STX19: variants seen among roughly 807,000 people sequenced by gnomAD.
The protein encoded by STX19 is syntaxin 19, also known as syntaxin-19.
Under a neutral mutation model 24.3 loss-of-function variants are expected in STX19, and 26 were observed. That is an observed-to-expected ratio of 1.07 (90% CI 0.78 to 1.48). STX19 has a LOEUF of 1.48. Among genes scored for constraint, STX19 ranks in the 40% most tolerant of loss-of-function variants. The pLI, the probability that STX19 is intolerant of heterozygous loss-of-function variation, is 0.00. For missense variants in STX19, 367 were observed against 331.9 expected (o/e 1.11, Z -0.82); for synonymous variants, 116 against 106.9 (o/e 1.09, Z -0.52).
intron 1 of STX19, among the ~76,000 whole-genome samples, chr3:94,021,437 T>C (rs561379222): frequency 7.5e-4 from 114 of 152,104 alleles, no homozygotes; most frequent in African/African-American, 2.7e-3. Context: ...TCAAGTGATC[T>C]GCCCGCCTCA....
At position 94,015,172 on chromosome 3, in the gene STX19, AC is replaced by A; in HGVS notation, c.97del (p.Val33CysfsTer14). ...ATAAATAACAGCTTGCTGTAGAAACACCCCTTGTTCCTCTGTTTCTGTAGTT... is the reference window on the plus strand; with the variant it reads ...ATAAATAACAGCTTGCTGTAGAAACACCCTTGTTCCTCTGTTTCTGTAGTT... ...VSTTETEEQG[V>X]FLQQAVIYER... On this transcript the variant is annotated frameshift_variant, in exon 2 of 2. Transcript: ENST00000315099. LOFTEE classifies it high-confidence loss of function. 6.2e-7 allele frequency: 1 copy of A among 1,613,714 alleles called. No homozygotes were observed. The highest frequency in any genetic ancestry group is 8.5e-7 in the Non-Finnish European group (1 of 1,179,888).
intron 1 of STX19, among the ~76,000 whole-genome samples, chr3:94,017,798 G>A (rs958828996): frequency 6.6e-6 from 1 of 152,158 alleles, no homozygotes; most frequent in Non-Finnish European, 1.5e-5. Context: ...GTAGGTCTAG[G>A]AGTTGGGTTG....
In STX19 at chr3:94,014,553, T is replaced by C; in HGVS notation, c.717A>G (p.Leu239=). The C allele has an allele frequency of 1.2e-6, 2 of 1,612,812 alleles. No homozygotes were observed. Among genetic ancestry groups the C allele is most frequent in the Non-Finnish European group, 1.7e-6 (2 of 1,179,676 alleles). Residue 239 remains leucine, a synonymous_variant, in exon 2 of 2, where the codon TTA becomes TTG. Transcript: ENST00000315099. ...TGATGCTCTCTCCTTGTTCCTCTAC[T>C]AAAAGAGATATCTGAATGAAAAGAT... ...LRDLFIQISL[L]VEEQGESINN... is the part of the protein sequence containing the mutation.
intron 1 of STX19, among the ~76,000 whole-genome samples, chr3:94,018,729 T>C (rs1452590977): frequency 1.3e-5 from 2 of 152,156 alleles, no homozygotes; most frequent in African/African-American, 2.4e-5. Flanking sequence ...CTGGCAACTC[T>C]ATTTTTCCAG....
chr3:94,020,424 GGACTCAACTCTTTATAC>G (rs2076422869), intron 1 of STX19, among the ~76,000 whole-genome samples: 1 of 152,088 alleles, frequency 6.6e-6, no homozygotes, highest in African/African-American at 2.4e-5. Context: ...ATAGTTTGAA[GGACTCAACTCTTTATAC>G]GACAGTATAG....
chr3:94,025,481 C>A (rs1310785099), intron 1 of STX19, among the ~76,000 whole-genome samples: 1 of 152,108 alleles, frequency 6.6e-6, no homozygotes, highest in African/African-American at 2.4e-5. Context: ...AGATCCTTTA[C>A]ATTATTAGGT....
chr3:94,018,327 T>C (rs1004552062), intron 1 of STX19, among the ~76,000 whole-genome samples: 1 of 152,180 alleles, frequency 6.6e-6, no homozygotes, highest in Non-Finnish European at 1.5e-5. Flanking sequence ...TCAGGATATA[T>C]TTTTGAAACT....
intron 1 of STX19, among the ~76,000 whole-genome samples, chr3:94,022,262 A>G (rs757307576): frequency 2.6e-5 from 4 of 152,160 alleles, no homozygotes; most frequent in Non-Finnish European, 4.4e-5. Context: ...AGTAGCTGGA[A>G]TTACAGGCGC....
Position 94,015,140 on chromosome 3 carries a change from C to G in STX19, c.130G>C (p.Glu44Gln), listed in dbSNP as rs747103177. Residue 44 changes from glutamate (E) to glutamine (Q), a missense_variant, in exon 2 of 2, where the codon GAG becomes CAG. Glu to Gln is a conservative substitution (Grantham distance 29). Coordinates refer to ENST00000315099, the MANE Select transcript of STX19 (RefSeq NM_001001850.3). Reference protein sequence around the residue: ...FLQQAVIYEREPVAERHLHEI... With the variant: ...FLQQAVIYERQPVAERHLHEI... ...TGTAGGTGTCTCTCAGCTACAGGCTCTCTTTCATAAATAACAGCTTGCTGT... is the reference window on the plus strand; with the variant it reads ...TGTAGGTGTCTCTCAGCTACAGGCTGTCTTTCATAAATAACAGCTTGCTGT... 108 of 1,613,878 alleles carry G rather than the reference C, an allele frequency of 6.7e-5. No individual in the cohort carries two copies. Among genetic ancestry groups the G allele is most frequent in the Non-Finnish European group, 1.6e-5 (19 of 1,179,930 alleles).
chr3:94,017,598 T>C (rs1041378364), intron 1 of STX19, among the ~76,000 whole-genome samples: 1 of 152,242 alleles, frequency 6.6e-6, no homozygotes, highest in African/African-American at 2.4e-5. Context: ...AATGCTGTAA[T>C]ATATATTTAA....
intron 1 of STX19, among the ~76,000 whole-genome samples, chr3:94,024,355 A>G (rs1337219486): frequency 6.6e-6 from 1 of 152,214 alleles, no homozygotes; most frequent in Non-Finnish European, 1.5e-5. Context: ...CAGAGGCGAG[A>G]GAAAGAGAAA....
Position 94,014,675 on chromosome 3 carries a change from GT to G in STX19, c.594del (p.Leu198PhefsTer29), listed in dbSNP as rs2076290525. ...QGKWEVFNES[L>X]LTEINITKAQ... ...GCTTTAGTGATATTGATTTCTGTAA[GT>G]AAGCTTTCATTAAAAACTTCCCATT... is the stretch of plus-strand genomic sequence containing the variant. On this transcript the variant is annotated frameshift_variant, in exon 2 of 2. Transcript: ENST00000315099. LOFTEE classifies it high-confidence loss of function. 3.1e-6 allele frequency: 5 copies of G among 1,613,446 alleles called. No homozygotes were observed. In the East Asian group the frequency reaches 1.1e-4, roughly 36 times the overall value.
At chr3:94,028,299 A>G (rs1272104962) in intron 1 of STX19, 68 bp downstream of exon 1, 1 of 152,206 alleles carries the variant, frequency 6.6e-6, no homozygotes, top group Non-Finnish European at 1.5e-5. Context: ...TTTAAATGTA[A>G]CAGTGTAACC....
rs1157048200 is a variant in STX19, at chr3:94,014,631, T to A, written c.639A>T (p.Glu213Asp). The change falls in exon 2 of 2, where the codon GAA becomes GAT. Residue 213 changes from glutamate (E) to aspartate (D), a missense_variant. Transcript: ENST00000315099. ...NITKAQLSEI[E>D]QRHKELVNLE... ...AATTAACAAGTTCCTTGTGTCTCTGTTCAATCTCTGAAAGTTGTGCTTTAG... is the reference window on the plus strand; with the variant it reads ...AATTAACAAGTTCCTTGTGTCTCTGATCAATCTCTGAAAGTTGTGCTTTAG... 10 of 1,613,666 alleles carry A rather than the reference T, an allele frequency of 6.2e-6. No individual in the cohort carries two copies. The highest frequency in any genetic ancestry group is 8.5e-6 in the Non-Finnish European group (10 of 1,179,958).
In STX19 at chr3:94,015,272, TC is replaced by T; in HGVS notation, c.-4del. ...AGTTCTTGAAGTCGGTCTTTCATCT[TC>T]CCTTTCCTCCTAAGAAGCAAAAATT... On this transcript the variant is annotated 5_prime_UTR_variant, in exon 2 of 2. Transcript: ENST00000315099. 1 of 1,525,630 alleles carries T rather than the reference TC, an allele frequency of 6.6e-7. No individual in the cohort carries two copies. The highest frequency in any genetic ancestry group is 8.7e-7 in the Non-Finnish European group (1 of 1,143,854). 94.5% of individuals were successfully genotyped at this position (1,525,630 alleles called of 1,614,324 possible). A position where few individuals can be genotyped will look rare whatever the true frequency, so the allele number is the denominator to read the frequency against.
intron 1 of STX19, among the ~76,000 whole-genome samples, chr3:94,026,632 A>G (rs1391076098): frequency 6.6e-6 from 1 of 152,240 alleles, no homozygotes; most frequent in Non-Finnish European, 1.5e-5. Flanking sequence ...CAGGATTCAT[A>G]TAAGCATAAA....
rs1037429017 is a variant in STX19, at chr3:94,014,831, T to A, written c.439A>T (p.Ile147Phe). 33 of 1,614,012 alleles carry A rather than the reference T, an allele frequency of 2.0e-5. No homozygotes were observed. Among genetic ancestry groups the A allele is most frequent in the Non-Finnish European group, 2.5e-5 (30 of 1,179,998 alleles). The part of the protein sequence containing the change: ...HAAMFRHFQQ[I>F]MFIYNDTIAA... Reference sequence around the variant, plus strand: ...ATTGTGTCATTGTATATAAACATGATTTGCTGAAAATGGCGGAACATTGCA... The same window carrying A: ...ATTGTGTCATTGTATATAAACATGAATTGCTGAAAATGGCGGAACATTGCA... Residue 147 changes from isoleucine to phenylalanine, a missense_variant, in exon 2 of 2, where the codon ATC (isoleucine) becomes TTC (phenylalanine). Coordinates refer to ENST00000315099, the MANE Select transcript of STX19 (RefSeq NM_001001850.3).
chr3:94,027,219 T>G (rs1460116716), intron 1 of STX19, among the ~76,000 whole-genome samples: 1 of 152,044 alleles, frequency 6.6e-6, no homozygotes. Flanking sequence ...CTAGTGCAAG[T>G]GAAAGCAGAG....
At chr3:94,022,760 G>A (rs1344877794) in intron 1 of STX19, among the ~76,000 whole-genome samples, 1 of 151,914 alleles carries the variant, frequency 6.6e-6, no homozygotes, top group Non-Finnish European at 1.5e-5. Context: ...GAACATAAAT[G>A]TATATTATGG....
Sources: allele counts gnomAD v4.1 joint callset (sites outside exome capture counted in the v4.1 genomes callset), GRCh38; gene constraint gnomAD v4.1.1; transcripts MANE v1.5; gene names NCBI Gene and HGNC (gene_info 2026-07-23, HGNC 2026-07-21).